TRDN: variants seen among roughly 807,000 people sequenced by gnomAD.
The protein encoded by TRDN is triadin.
A neutral mutation model predicts 149.7 loss-of-function variants in TRDN; 161 were observed. The observed-to-expected ratio is 1.08, with a 90% CI of 0.95 to 1.23. The LOEUF (loss-of-function observed/expected upper bound fraction) is 1.23, where lower values mean the gene tolerates loss of function less well. Among genes scored for constraint, TRDN ranks in the 50% most tolerant of loss-of-function variants. The pLI is 0.00. For missense variants in TRDN, 896 were observed against 823.5 expected (o/e 1.09, Z -1.08); for synonymous variants, 294 against 250.5 (o/e 1.17, Z -1.64).
At chr6:123,602,438 AG>A (rs5879689) in intron 1 of TRDN, among the ~76,000 whole-genome samples, 78,687 of 151,752 alleles carry the variant, frequency 0.52, 21,535 homozygotes, top group Admixed American at 0.64. Flanking sequence ...GAAGGGTTGT[AG>A]GGGGGAACGA....
chr6:123,278,166 G>A (rs1777444249), intron 26 of TRDN, among the ~76,000 whole-genome samples, 152 bp downstream of exon 26: 1 of 151,824 alleles, frequency 6.6e-6, no homozygotes, highest in South Asian at 2.1e-4. Flanking sequence ...GGGTAGCATA[G>A]AGAAATATAT....
intron 24 of TRDN, among the ~76,000 whole-genome samples, chr6:123,315,323 T>C (rs1778984492): frequency 6.6e-6 from 1 of 151,974 alleles, no homozygotes; most frequent in Non-Finnish European, 1.5e-5. Context: ...TATGCTTTTT[T>C]TCTGCAGTTT....
chr6:123,360,019 TA>T (rs1219645512), intron 20 of TRDN, among the ~76,000 whole-genome samples: 3 of 152,098 alleles, frequency 2.0e-5, no homozygotes, highest in African/African-American at 7.2e-5. Context: ...TTTTTTAATT[TA>T]TTTTTTATTA....
At position 123,300,071 on chromosome 6, in the gene TRDN, G is replaced by A. The variant is rs573006424; in HGVS notation, c.1510+16386C>T. 2.0e-5 allele frequency among the ~76,000 whole-genome samples: 3 copies of A among 152,012 alleles called. No individual in the cohort carries two copies. In the East Asian group the frequency reaches 5.8e-4, roughly 29 times the overall value. ...TTTCTTTTAATTTAGAAGAACCACA[G>A]CATCTGCTTCCTATGTGGTAAGTAA... On this transcript the variant is annotated intron_variant, in intron 24 of 40. Transcript: ENST00000334268.
intron 12 of TRDN, among the ~76,000 whole-genome samples, chr6:123,436,700 C>T (rs1177737755): frequency 6.6e-6 from 1 of 152,086 alleles, no homozygotes; most frequent in Non-Finnish European, 1.5e-5. Flanking sequence ...GACGGTTCCC[C>T]ACCCTGAAGT....
intron 24 of TRDN, among the ~76,000 whole-genome samples, chr6:123,298,322 A>G (rs906451076): frequency 1.3e-5 from 2 of 151,944 alleles, no homozygotes; most frequent in Admixed American, 1.3e-4. Context: ...AGCCTCAAAT[A>G]TATCATTTTT....
rs1428911896 is a variant in TRDN, at chr6:123,408,507, G to C, written c.1052-14830C>G. Among the ~76,000 whole-genome samples, 9 of 151,846 alleles carry C rather than the reference G, an allele frequency of 5.9e-5. No individual in the cohort carries two copies. In the East Asian group the frequency reaches 1.7e-3, roughly 29 times the overall value. ...AGCCTGGTCAACATGGAGAAACCCT[G>C]TCTCTACTAAAAATACAAAAATTAG... On this transcript the variant is annotated intron_variant, in intron 12 of 40. Transcript: ENST00000334268.
rs111940158 is a variant in TRDN at position 123,586,960 on chromosome 6, G to T, written c.23-15828C>A. On this transcript the variant is annotated intron_variant, in intron 1 of 40. Transcript: ENST00000334268. ...GGATTGGGGTACAGCGATATAAGAG[G>T]TTGGGGCACGGAAATAAGGGATGGG... Among the ~76,000 whole-genome samples the T allele has an allele frequency of 1.3e-3, 205 of 152,092 alleles. 4 individuals carry two copies. The highest frequency in any genetic ancestry group is 4.7e-3 in the African/African-American group (194 of 41,480).
chr6:123,442,432 G>A (rs1207553455), intron 10 of TRDN: 3 of 139,256 alleles, frequency 2.2e-5, no homozygotes, highest in Non-Finnish European at 4.5e-5. Context: ...TGTAGTCCCA[G>A]CTACTCGGGA....
At chr6:123,506,614 G>A (rs575175291) in intron 7 of TRDN, among the ~76,000 whole-genome samples, 1 of 151,780 alleles carries the variant, frequency 6.6e-6, no homozygotes, top group Non-Finnish European at 1.5e-5. Context: ...TCAGCCTCCC[G>A]AGTAGCTGGG....
At chr6:123,428,362 C>A (rs1259288269) in intron 12 of TRDN, among the ~76,000 whole-genome samples, 1 of 152,158 alleles carries the variant, frequency 6.6e-6, no homozygotes, top group Non-Finnish European at 1.5e-5. Context: ...TTTCCCAAGT[C>A]CCTAGCAGGA....
chr6:123,489,616 T>A (rs1172779188), intron 9 of TRDN: 1 of 152,174 alleles, frequency 6.6e-6, no homozygotes, highest in African/African-American at 2.4e-5. Flanking sequence ...GTAAGGCACT[T>A]TATGGAAACT....
In TRDN at chr6:123,379,388, C is replaced by T. The variant is rs534241195; in HGVS notation, c.1187-1490G>A. Among the ~76,000 whole-genome samples, 269 of 152,228 alleles carry T rather than the reference C, an allele frequency of 1.8e-3. 1 individual carries two copies. The highest frequency in any genetic ancestry group is 3.5e-3 in the South Asian group (17 of 4,822). On this transcript the variant is annotated intron_variant, in intron 16 of 40. Transcript: ENST00000334268. ...GCAGGTCAAAAAGAAGAAGCTATGA[C>T]GATTTAGCTAAAATTAAACAAAATG...
chr6:123,339,557 C>A (rs1017767959), intron 21 of TRDN, among the ~76,000 whole-genome samples: 1 of 152,156 alleles, frequency 6.6e-6, no homozygotes, highest in Non-Finnish European at 1.5e-5. Flanking sequence ...ACAGGTGCTG[C>A]AAAGCAACCT....
intron 20 of TRDN, among the ~76,000 whole-genome samples, chr6:123,357,045 ACTT>A (rs1780707994): frequency 6.6e-6 from 1 of 151,434 alleles, no homozygotes; most frequent in Non-Finnish European, 1.5e-5. Flanking sequence ...AAAAATATTG[ACTT>A]CTTAGCTATC....
intron 9 of TRDN, among the ~76,000 whole-genome samples, chr6:123,476,222 A>G: frequency 2.4e-5 from 1 of 41,450 alleles, no homozygotes; most frequent in Non-Finnish European, 5.3e-5. Context: ...CTCAGGATAC[A>G]AAATCAATGT....
intron 6 of TRDN, among the ~76,000 whole-genome samples, chr6:123,515,332 C>T (rs917320019): frequency 1.8e-4 from 27 of 151,528 alleles, no homozygotes; most frequent in African/African-American, 6.5e-4. Flanking sequence ...AAACAGAAAT[C>T]CTAGAAATGA....
intron 12 of TRDN, among the ~76,000 whole-genome samples, chr6:123,420,210 A>T (rs909900644): frequency 3.9e-5 from 6 of 152,228 alleles, no homozygotes; most frequent in African/African-American, 1.4e-4. Context: ...ATTTTTGGAT[A>T]GAAATCATTT....
intron 12 of TRDN, among the ~76,000 whole-genome samples, chr6:123,412,859 G>A (rs1018847787): frequency 1.3e-5 from 2 of 151,828 alleles, no homozygotes; most frequent in Non-Finnish European, 2.9e-5. Context: ...AAAATCATAA[G>A]AAAAAAATAA....
Sources: gnomAD v4.1 joint callset for allele counts (sites outside exome capture counted in the v4.1 genomes callset) on GRCh38, gnomAD v4.1.1 for gene constraint, MANE v1.5 for transcripts, NCBI Gene and HGNC (gene_info 2026-07-23, HGNC 2026-07-21) for gene names.